The following MAP3K13 variants were observed in gnomAD, a reference collection of about 807,000 sequenced individuals.
The protein encoded by MAP3K13 is mitogen-activated protein kinase kinase kinase 13.
MAP3K13 carries 52 observed loss-of-function variants against 104.0 expected under a neutral mutation model. The ratio of observed to expected loss-of-function variants is 0.50; its 90% confidence interval spans 0.40 to 0.63. The LOEUF (loss-of-function observed/expected upper bound fraction) is 0.63. Among genes scored for constraint, MAP3K13 ranks in the 20% least tolerant of loss-of-function variants. The pLI, the probability that MAP3K13 is intolerant of heterozygous loss-of-function variation, is 0.00. For synonymous variants in MAP3K13, 394 were observed against 442.2 expected, an observed-to-expected ratio of 0.89 and a Z score of 1.37; for missense variants, 914 against 1,218.5, an observed-to-expected ratio of 0.75 and a Z score of 3.72.
intron 1 of MAP3K13, among the ~76,000 whole-genome samples, chr3:185,382,139 A>G (rs1577488487): frequency 6.6e-6 from 1 of 152,342 alleles, no homozygotes; most frequent in South Asian, 2.1e-4. Context: ...AACCCTATAC[A>G]TACCAGATAT....
intron 2 of MAP3K13, among the ~76,000 whole-genome samples, chr3:185,337,241 G>A (rs537848276): frequency 3.9e-5 from 6 of 152,196 alleles, no homozygotes; most frequent in South Asian, 4.2e-4. Flanking sequence ...TGTGAGATGC[G>A]TAGCAGTGGT....
At chr3:185,326,164 T>G (rs1420589155) in intron 2 of MAP3K13, among the ~76,000 whole-genome samples, 1 of 152,144 alleles carries the variant, frequency 6.6e-6, no homozygotes, top group Non-Finnish European at 1.5e-5. Flanking sequence ...TGCTGGAATG[T>G]CCGTCCCGGG....
intron 1 of MAP3K13, among the ~76,000 whole-genome samples, chr3:185,411,993 A>G (rs1368692778): frequency 6.6e-6 from 1 of 152,110 alleles, no homozygotes; most frequent in Non-Finnish European, 1.5e-5. Flanking sequence ...CACGTTGGCC[A>G]GGCTGGTCTC....
intron 1 of MAP3K13, among the ~76,000 whole-genome samples, chr3:185,363,906 T>A (rs1199867721): frequency 6.6e-6 from 1 of 152,254 alleles, no homozygotes; most frequent in Non-Finnish European, 1.5e-5. Context: ...CAAAAGCTCT[T>A]ATGACGGGAG....
At chr3:185,441,073 T>C (rs1350652009) in intron 3 of MAP3K13, among the ~76,000 whole-genome samples, 3 of 152,170 alleles carry the variant, frequency 2.0e-5, no homozygotes, top group Non-Finnish European at 4.4e-5. Context: ...GGCATGGACT[T>C]TCAAATTAGG....
rs866310837 is a variant in MAP3K13 at position 185,331,344 on chromosome 3, C to T, written c.-86+45701C>T. On this transcript the variant is annotated intron_variant, in intron 2 of 14. Transcript: ENST00000424227. ...TCCCGACCTCAGGTGATCTGCCTGC[C>T]TTGGCCTCCCAAAGTGCTGGGATTA... Among the ~76,000 whole-genome samples the T allele has an allele frequency of 4.6e-5, 7 of 152,188 alleles. No homozygotes were observed. In the Middle Eastern group the frequency reaches 0.01, roughly 222 times the overall value.
chr3:185,474,643 T>G lies in MAP3K13; in HGVS notation c.2430+882T>G, dbSNP rs148639015. On this transcript the variant is annotated intron_variant, in intron 11 of 13. Coordinates refer to ENST00000265026, the MANE Select transcript of MAP3K13 (RefSeq NM_004721.5). ...AGCTTTCTTCACACTTTGGAAAACA[T>G]TGCCTTAATTGACAGGCATCGTGAC... is the stretch of plus-strand genomic sequence containing the variant. Among the ~76,000 whole-genome samples, 618 of 152,328 alleles carry G rather than the reference T, an allele frequency of 4.1e-3. 1 individual carries two copies. The highest frequency in any genetic ancestry group is 0.017 in the Middle Eastern group (5 of 294).
intron 5 of MAP3K13, among the ~76,000 whole-genome samples, chr3:185,449,371 T>TAAAAA (rs61621090): frequency 2.5e-5 from 2 of 80,758 alleles, no homozygotes; most frequent in Non-Finnish European, 4.9e-5. Flanking sequence ...AGATGCTGTC[T>TAAAAA]AAAAAAAAAA....
intron 7 of MAP3K13, among the ~76,000 whole-genome samples, chr3:185,455,911 GATGAGATATATATGATGTATAT>G (rs1716704707): frequency 1.5e-5 from 2 of 133,320 alleles, no homozygotes; most frequent in South Asian, 4.7e-4. Context: ...ATATGATATA[GATGAGATATATATGATGTATAT>G]ATGAGATATA....
intron 1 of MAP3K13, among the ~76,000 whole-genome samples, chr3:185,381,491 A>T (rs1284512329): frequency 3.3e-5 from 5 of 152,212 alleles, no homozygotes; most frequent in African/African-American, 1.2e-4. Context: ...AAAAAAACTG[A>T]GTCACCTGAC....
At chr3:185,457,086 T>C (rs970009063) in intron 7 of MAP3K13, among the ~76,000 whole-genome samples, 3 of 151,980 alleles carry the variant, frequency 2.0e-5, no homozygotes, top group Non-Finnish European at 4.4e-5. Context: ...AGTCACACAT[T>C]TTGAGAACCT....
intron 2 of MAP3K13, among the ~76,000 whole-genome samples, chr3:185,347,096 C>T (rs1374283989): frequency 1.3e-5 from 2 of 150,396 alleles, no homozygotes; most frequent in East Asian, 4.0e-4. Context: ...AAGCTATTCT[C>T]CTGCGTCAGC....
intron 2 of MAP3K13, among the ~76,000 whole-genome samples, chr3:185,304,875 G>A (rs561028332): frequency 1.2e-4 from 19 of 152,152 alleles, no homozygotes; most frequent in South Asian, 4.1e-4. Context: ...TTTGTGATCC[G>A]CCCCCTTCGG....
intron 1 of MAP3K13, among the ~76,000 whole-genome samples, chr3:185,388,378 T>G (rs1285015197): frequency 1.3e-5 from 2 of 152,046 alleles, no homozygotes; most frequent in Non-Finnish European, 2.9e-5. Context: ...GGCATGCACC[T>G]GTAGTTCCAG....
chr3:185,433,039 A>C (rs1714836280), intron 2 of MAP3K13, among the ~76,000 whole-genome samples: 1 of 152,250 alleles, frequency 6.6e-6, no homozygotes, highest in African/African-American at 2.4e-5. Context: ...GTGTCCCTAC[A>C]TTTGGTACTT....
chr3:185,386,576 C>T (rs6774959), intron 1 of MAP3K13, among the ~76,000 whole-genome samples: 18,632 of 152,124 alleles, frequency 0.12, 1,622 homozygotes, highest in African/African-American at 0.22. Flanking sequence ...ATATAAATCA[C>T]TCTACTCTAA....
At chr3:185,298,275 G>T (rs1720986879) in intron 2 of MAP3K13, among the ~76,000 whole-genome samples, 3 of 151,566 alleles carry the variant, frequency 2.0e-5, no homozygotes, top group Admixed American at 2.0e-4. Context: ...TTTTTTTCAG[G>T]GTTGAAAGAG....
At position 185,418,286 on chromosome 3, in the gene MAP3K13, T is replaced by G. The variant is rs2108793129; in HGVS notation, c.-85-10211T>G. 2.5e-6 allele frequency: 4 copies of G among 1,581,978 alleles called. No homozygotes were observed. The highest frequency in any genetic ancestry group is 3.5e-6 in the Non-Finnish European group (4 of 1,152,412). ...TTCTTAAGGAGCAAAACAGCTTCCT[T>G]GGTCTTCTTGTAGCCTTCAACTTTA... On this transcript the variant is annotated intron_variant, in intron 1 of 13. Coordinates refer to ENST00000265026, the MANE Select transcript of MAP3K13 (RefSeq NM_004721.5). The surrounding 1 kb of genome is among the most constrained non-coding windows in gnomAD (Gnocchi z 4.5).
At chr3:185,465,102 C>T (rs1175968156) in intron 8 of MAP3K13, among the ~76,000 whole-genome samples, 1 of 152,212 alleles carries the variant, frequency 6.6e-6, no homozygotes, top group Non-Finnish European at 1.5e-5. Context: ...CTGCCTCAGC[C>T]TCCTGAGTAG....
Sources: allele counts gnomAD v4.1 joint callset (sites outside exome capture counted in the v4.1 genomes callset), GRCh38; gene constraint gnomAD v4.1.1; non-coding constraint Gnocchi (gnomAD v3.1); transcripts MANE v1.5; gene names NCBI Gene and HGNC (gene_info 2026-07-23, HGNC 2026-07-21).